Variants in TMEM266 observed in about 807,000 individuals in gnomAD.
The protein encoded by TMEM266 is transmembrane protein 266, also known as Hv1 related protein 1.
Under a neutral mutation model 50.5 loss-of-function variants are expected in TMEM266, and 33 were observed. The ratio of observed to expected loss-of-function variants is 0.65; its 90% CI spans 0.50 to 0.87. The LOEUF is 0.87. Ranked by LOEUF, TMEM266 falls within the 40% of genes least tolerant of loss-of-function variation. The pLI is 0.00. For synonymous variants in TMEM266, 310 were observed against 292.3 expected (o/e 1.06, Z -0.62); for missense variants, 655 against 695.1 (o/e 0.94, Z 0.65).
intron 1 of TMEM266, among the ~76,000 whole-genome samples, chr15:76,097,332 C>T (rs562789476): frequency 1.4e-4 from 21 of 152,098 alleles, no homozygotes; most frequent in African/African-American, 4.6e-4. Flanking sequence ...TCAGCTTTAT[C>T]GCTTGTCTGT....
At chr15:76,184,141 T>C (rs2038460731) in intron 8 of TMEM266, among the ~76,000 whole-genome samples, 1 of 152,224 alleles carries the variant, frequency 6.6e-6, no homozygotes, top group African/African-American at 2.4e-5. Context: ...GGCTTGAGGC[T>C]GGCTCATTCC....
chr15:76,123,984 A>T (rs28645243), intron 1 of TMEM266, among the ~76,000 whole-genome samples: 1,989 of 152,232 alleles, frequency 0.013, 26 homozygotes, highest in African/African-American at 0.046. Context: ...AAGTGGTGGG[A>T]TTACAGGCGT....
At chr15:76,103,026 G>C (rs2037027310) in intron 1 of TMEM266, among the ~76,000 whole-genome samples, 1 of 151,980 alleles carries the variant, frequency 6.6e-6, no homozygotes, top group Non-Finnish European at 1.5e-5. Flanking sequence ...TCTGACTTGG[G>C]TTTCTGCTAT....
chr15:76,124,279 G>A (rs996155701), intron 1 of TMEM266, among the ~76,000 whole-genome samples: 23 of 152,318 alleles, frequency 1.5e-4, no homozygotes, highest in East Asian at 1.9e-4. Context: ...TGCAACCACA[G>A]GGAAACAAGC....
rs1417521338 is a variant in TMEM266 at position 76,204,172 on chromosome 15, T to G, written c.1453T>G (p.Phe485Val). 6.2e-7 allele frequency: 1 copy of G among 1,613,664 alleles called. No homozygotes were observed. Among genetic ancestry groups the G allele is most frequent in the East Asian group, 2.2e-5 (1 of 44,864 alleles). ...CGAGCTGGAACACAGGGTAAGTCTG[T>G]TCAACCAGAAGAACCAGGAGGGCTT... ...SLFNQKNQEG[F>V]TVFQIRPVIH... is the part of the protein sequence containing the mutation. The change falls in exon 11 of 11, where the codon TTC (phenylalanine) becomes GTC (valine). Residue 485 changes from phenylalanine (F) to valine (V), a missense_variant. Transcript: ENST00000388942.
At chr15:76,094,610 G>A (rs2036897129) in intron 1 of TMEM266, among the ~76,000 whole-genome samples, 1 of 151,970 alleles carries the variant, frequency 6.6e-6, no homozygotes. Context: ...CTCTTTTTTG[G>A]TTCCATATGA....
chr15:76,125,871 G>A (rs376160289), intron 1 of TMEM266, among the ~76,000 whole-genome samples: 6 of 150,274 alleles, frequency 4.0e-5, no homozygotes, highest in East Asian at 3.9e-4. Context: ...AAAAGGCAGT[G>A]GGGGGGATGG....
At chr15:76,119,908 A>G (rs781588458) in intron 1 of TMEM266, among the ~76,000 whole-genome samples, 2 of 152,298 alleles carry the variant, frequency 1.3e-5, no homozygotes, top group Middle Eastern at 3.4e-3. Flanking sequence ...TCAGATTTTT[A>G]CTACAGTGCT....
At chr15:76,189,993 G>C (rs1005757773) in intron 8 of TMEM266, among the ~76,000 whole-genome samples, 2 of 152,228 alleles carry the variant, frequency 1.3e-5, no homozygotes, top group African/African-American at 4.8e-5. Flanking sequence ...CCAGTGCCAG[G>C]TTGCTGCCTG....
chr15:76,098,044 C>T (rs1357293419), intron 1 of TMEM266, among the ~76,000 whole-genome samples: 1 of 152,022 alleles, frequency 6.6e-6, no homozygotes, highest in African/African-American at 2.4e-5. Context: ...TGGGTTAGAA[C>T]ATGCTCCTTT....
intron 3 of TMEM266, among the ~76,000 whole-genome samples, chr15:76,156,361 AAAAAG>A (rs758137892): frequency 1.4e-4 from 21 of 152,326 alleles, no homozygotes; most frequent in East Asian, 5.8e-4. Context: ...CTTTGTCTCA[AAAAAG>A]AAAAGAAAAG....
intron 1 of TMEM266, among the ~76,000 whole-genome samples, chr15:76,099,481 C>T (rs1016579043): frequency 3.9e-5 from 6 of 152,214 alleles, no homozygotes; most frequent in Admixed American, 2.0e-4. Flanking sequence ...TCTTCTGTGT[C>T]GACCTCGCTG....
rs141063785 is a variant in TMEM266, at chr15:76,178,253, A to G, written c.768+2579A>G. ...CCGTTGGAGGCTGGATGGAGAGGGCAGGGTGGAGACAGGAAGACTGGGGAC... is the reference window on the plus strand; with the variant it reads ...CCGTTGGAGGCTGGATGGAGAGGGCGGGGTGGAGACAGGAAGACTGGGGAC... On this transcript the variant is annotated intron_variant, in intron 8 of 10. Transcript: ENST00000388942. Among the ~76,000 whole-genome samples, 3 of 152,202 alleles carry G rather than the reference A, an allele frequency of 2.0e-5. No individual in the cohort carries two copies. The East Asian group carries it at 5.8e-4, about 29-fold the overall frequency.
At chr15:76,169,973 T>G in intron 6 of TMEM266, 101 bp downstream of exon 6, 2 of 1,278,528 alleles carry the variant, frequency 1.6e-6, no homozygotes, top group Middle Eastern at 2.7e-4. Context: ...TCAAGAAGGC[T>G]GGTTCCTTCT....
At chr15:76,172,410 G>A (rs1246022051) in intron 7 of TMEM266, among the ~76,000 whole-genome samples, 1 of 152,198 alleles carries the variant, frequency 6.6e-6, no homozygotes, top group Non-Finnish European at 1.5e-5. Flanking sequence ...AATTTTGATT[G>A]CAGATGATAA....
intron 1 of TMEM266, among the ~76,000 whole-genome samples, chr15:76,125,313 G>A (rs995438362): frequency 4.6e-5 from 7 of 152,040 alleles, no homozygotes; most frequent in African/African-American, 1.7e-4. Flanking sequence ...AAAAGTTTCT[G>A]CACATCAAAG....
rs190989547 is a variant in TMEM266 at position 76,086,771 on chromosome 15, T to G, written c.-97+26755T>G. The stretch of plus-strand genomic sequence containing the variant: ...TACCCTATGCAAACGTCTGATTCGT[T>G]GCAGAAAGCAACCAATCAGAGGCTG... On this transcript the variant is annotated intron_variant, in intron 1 of 10. Coordinates refer to ENST00000388942, the MANE Select transcript of TMEM266 (RefSeq NM_152335.3). Among the ~76,000 whole-genome samples, 463 of 152,266 alleles carry G rather than the reference T, an allele frequency of 3.0e-3. 5 individuals carry two copies. The highest frequency in any genetic ancestry group is 0.011 in the African/African-American group (439 of 41,552).
At chr15:76,135,626 C>A (rs2037576615) in intron 2 of TMEM266, among the ~76,000 whole-genome samples, 1 of 152,216 alleles carries the variant, frequency 6.6e-6, no homozygotes, top group South Asian at 2.1e-4. Context: ...TAAACACCCA[C>A]ACTTTTATAT....
intron 1 of TMEM266, among the ~76,000 whole-genome samples, chr15:76,133,133 T>C (rs922342486): frequency 4.1e-5 from 6 of 147,340 alleles, no homozygotes; most frequent in African/African-American, 1.5e-4. Flanking sequence ...TGTCTAAACA[T>C]AAATAAATAA....
Sources: allele counts gnomAD v4.1 joint callset (sites outside exome capture counted in the v4.1 genomes callset), GRCh38; gene constraint gnomAD v4.1.1; transcripts MANE v1.5; gene names NCBI Gene and HGNC (gene_info 2026-07-23, HGNC 2026-07-21).